Variants in COPE observed in about 807,000 individuals in gnomAD.
COPE encodes the protein coat protein complex I subunit epsilon, also known as coatomer subunit epsilon.
COPE carries 19 observed loss-of-function variants against 42.1 expected under a neutral mutation model. That is an observed-to-expected ratio of 0.45 (90% CI 0.31 to 0.66). COPE has a LOEUF of 0.66. Among genes scored for constraint, COPE ranks in the 30% least tolerant of loss-of-function variants. The probability of loss-of-function intolerance (pLI) is 0.05; values close to 1 mark genes in which losing one functional copy is unlikely to be tolerated. For missense variants in COPE, 402 were observed against 416.1 expected, an observed-to-expected ratio of 0.97 and a Z score of 0.30; for synonymous variants, 195 against 181.3, an observed-to-expected ratio of 1.08 and a Z score of -0.60.
chr19:18,903,980 T>TC (rs1410782649), intron 6 of COPE, among the ~76,000 whole-genome samples: 2 of 152,184 alleles, frequency 1.3e-5, no homozygotes, highest in African/African-American at 4.8e-5. Context: ...CATTTTTTTT[T>TC]CTTTCTCAGA....
chr19:18,904,914 G>A (rs1402769735), intron 5 of COPE, 62 bp from the exon 6 acceptor site: 6 of 1,503,494 alleles, frequency 4.0e-6, no homozygotes, highest in African/African-American at 1.4e-5. Flanking sequence ...GGCCATCCCT[G>A]CCTTGTCCCC....
chr19:18,917,147 T>G (rs1222160592), intron 1 of COPE, among the ~76,000 whole-genome samples: 1 of 150,562 alleles, frequency 6.6e-6, no homozygotes, highest in Non-Finnish European at 1.5e-5. Flanking sequence ...CCATCATCTC[T>G]GTGTCTCAAA....
rs2056725750 is a variant in COPE at position 18,903,250 on chromosome 19, G to C, written c.735+18C>G. ...TGGCCTTCCCTCCGTCCCCACTCTG[G>C]GACAGGCTTGTGCCTACCTTGTCTA... On this transcript the variant is annotated intron_variant, in intron 7 of 9. Transcript: ENST00000262812. The C allele has an allele frequency of 6.4e-7, 1 of 1,557,964 alleles. No individual in the cohort carries two copies. Among genetic ancestry groups the C allele is most frequent in the African/African-American group, 1.4e-5 (1 of 72,816 alleles).
intron 1 of COPE, among the ~76,000 whole-genome samples, chr19:18,917,544 T>A (rs1336019129): frequency 6.6e-6 from 1 of 151,832 alleles, no homozygotes; most frequent in African/African-American, 2.4e-5. Context: ...ATTTTTGTAT[T>A]TTTTAGTAGA....
Position 18,899,525 on chromosome 19 carries a change from A to G in COPE, c.*154T>C. 1.4e-6 allele frequency: 1 copy of G among 700,620 alleles called. No homozygotes were observed. The highest frequency in any genetic ancestry group is 2.4e-6 in the Non-Finnish European group (1 of 410,632). The allele number at this position is 700,620 out of a possible 1,614,324, so 43.4% of individuals were successfully genotyped here. A position where few individuals can be genotyped will look rare whatever the true frequency, so the allele number is the denominator to read the frequency against. ...ACCAGAGCACATCATCAGGTGGAAC[A>G]CCCTGGAGTTGAGATATTTATTAAC... On this transcript the variant is annotated 3_prime_UTR_variant, in exon 10 of 10. Coordinates refer to ENST00000262812, the MANE Select transcript of COPE (RefSeq NM_007263.4).
chr19:18,902,337 T>C (rs1001347643), intron 7 of COPE, among the ~76,000 whole-genome samples: 1 of 150,710 alleles, frequency 6.6e-6, no homozygotes, highest in Non-Finnish European at 1.5e-5. Flanking sequence ...AATATATATA[T>C]ATTTTTAATT....
intron 1 of COPE, among the ~76,000 whole-genome samples, chr19:18,918,187 C>CAAAAAAAAAAAAA (rs771893763): frequency 1.0e-4 from 5 of 50,138 alleles, no homozygotes; most frequent in East Asian, 4.8e-4. Context: ...GTCTCCATCT[C>CAAAAAAAAAAAAA]AAAAAAAAAA....
rs1219355543 is a variant in COPE at position 18,899,563 on chromosome 19, T to A, written c.*116A>T. The stretch of plus-strand genomic sequence containing the variant: ...GATATTTATTAACAGATGGGGGTGC[T>A]GGGGGTGGGCTCCTGCCCCCAGAGG... On this transcript the variant is annotated 3_prime_UTR_variant, in exon 10 of 10. Transcript: ENST00000262812. 2.0e-6 allele frequency: 2 copies of A among 979,926 alleles called. No individual in the cohort carries two copies. The highest frequency in any genetic ancestry group is 3.2e-6 in the Non-Finnish European group (2 of 630,398). 60.7% of individuals were successfully genotyped at this position (979,926 alleles called of 1,614,324 possible). A position where few individuals can be genotyped will look rare whatever the true frequency, so the allele number is the denominator to read the frequency against.
At position 18,910,971 on chromosome 19, in the gene COPE, C is replaced by A. The variant is rs750217463; in HGVS notation, c.290G>T (p.Arg97Met). ...FADYLAHESR[R>M]DSIVAELDRE... ...GCCAACCCATTCTCTGGGGCCTCAC[C>A]TCCGACTCTCGTGGGCGAGGTAGTC... Residue 97 changes from arginine (R) to methionine (M), a missense_variant and splice_region_variant, in exon 3 of 10, where the codon AGG becomes ATG. Transcript: ENST00000262812. 6.2e-7 allele frequency: 1 copy of A among 1,613,682 alleles called. No homozygotes were observed. The highest frequency in any genetic ancestry group is 8.5e-7 in the Non-Finnish European group (1 of 1,179,974).
At chr19:18,918,516 G>GCAA (rs1185526505) in intron 1 of COPE, among the ~76,000 whole-genome samples, 1 of 152,066 alleles carries the variant, frequency 6.6e-6, no homozygotes. Flanking sequence ...TCGGTTCACT[G>GCAA]CAACCTCGGC....
intron 7 of COPE, among the ~76,000 whole-genome samples, chr19:18,902,813 G>GA (rs1227785581): frequency 1.9e-5 from 1 of 53,842 alleles, no homozygotes; most frequent in Non-Finnish European, 4.1e-5. Flanking sequence ...AGGAAGGAAG[G>GA]AAGGAAGGAA....
Position 18,900,427 on chromosome 19 carries a change from A to G in COPE, c.758T>C (p.Leu253Pro). 1 of 1,548,622 alleles carries G rather than the reference A, an allele frequency of 6.5e-7. No homozygotes were observed. Among genetic ancestry groups the G allele is most frequent in the Non-Finnish European group, 8.7e-7 (1 of 1,145,740 alleles). Residue 253 changes from leucine (L) to proline (P), a missense_variant, in exon 8 of 10, where the codon CTG (leucine) becomes CCG (proline). By Grantham distance (98) the Leu-to-Pro change is moderately conservative. Transcript: ENST00000262812. ...LDKDSGYPETLVNLIVLSQHL... is the reference protein window; with the variant it reads ...LDKDSGYPETPVNLIVLSQHL... Reference sequence around the variant, plus strand: ...CTGGGACAGGACGATGAGGTTGACCAGCGTCTCTGGGTAGCCACTATCCTG... The same window carrying G: ...CTGGGACAGGACGATGAGGTTGACCGGCGTCTCTGGGTAGCCACTATCCTG...
chr19:18,917,772 C>T (rs539371100), intron 1 of COPE, among the ~76,000 whole-genome samples: 122 of 152,274 alleles, frequency 8.0e-4, no homozygotes, highest in African/African-American at 2.9e-3. Flanking sequence ...AACTGCCAAA[C>T]TTCACCTTCA....
In COPE at chr19:18,905,855, C is replaced by A. The variant is rs536245186; in HGVS notation, c.444-226G>T. The A allele has an allele frequency of 7.2e-6, 4 of 553,398 alleles. No homozygotes were observed. The East Asian group carries it at 1.3e-4, about 18-fold the overall frequency. The allele number at this position is 553,398 out of a possible 1,614,324, so 34.3% of individuals were successfully genotyped here. On this transcript the variant is annotated intron_variant, in intron 4 of 9. Transcript: ENST00000262812. The stretch of plus-strand genomic sequence containing the variant: ...GTACCCAGGATGGGGTTTCAGGCCC[C>A]GGCCCACTCACCGCCCATCTGGAGA...
In COPE at chr19:18,900,431, T is replaced by C. The variant is rs750223616; in HGVS notation, c.754A>G (p.Thr252Ala). The change falls in exon 8 of 10, where the codon ACG becomes GCG. Residue 252 changes from threonine to alanine, a missense_variant. Thr to Ala is a moderately conservative substitution (Grantham distance 58). Coordinates refer to ENST00000262812, the MANE Select transcript of COPE (RefSeq NM_007263.4). ...GACAGGACGATGAGGTTGACCAGCG[T>C]CTCTGGGTAGCCACTATCCTGGAGA... ...ALDKDSGYPE[T>A]LVNLIVLSQH... 6.5e-7 allele frequency: 1 copy of C among 1,547,976 alleles called. No homozygotes were observed. The highest frequency in any genetic ancestry group is 1.2e-5 in the South Asian group (1 of 83,872).
Position 18,904,863 on chromosome 19 carries a change from G to A in COPE, c.498-11C>T. On this transcript the variant is annotated splice_polypyrimidine_tract_variant and intron_variant, in intron 5 of 9. Coordinates refer to ENST00000262812, the MANE Select transcript of COPE (RefSeq NM_007263.4). ...CTCTTCAGCTCCTTCCTGGGGCGGG[G>A]ACAGATGACAGAGGGGCTGAGTGGC... The A allele has an allele frequency of 6.4e-7, 1 of 1,551,730 alleles. No homozygotes were observed. The highest frequency in any genetic ancestry group is 8.7e-7 in the Non-Finnish European group (1 of 1,147,048).
At position 18,899,964 on chromosome 19, in the gene COPE, G is replaced by T; in HGVS notation, c.805-17C>A. 6.2e-7 allele frequency: 1 copy of T among 1,608,484 alleles called. No individual in the cohort carries two copies. On this transcript the variant is annotated splice_polypyrimidine_tract_variant and intron_variant, in intron 8 of 9. Transcript: ENST00000262812. Reference sequence around the variant, plus strand: ...GTTTGTCACCTGCAGGGGAGGCAGGGAGGCAGGTGAGCCGAACACGGGGAC... The same window carrying T: ...GTTTGTCACCTGCAGGGGAGGCAGGTAGGCAGGTGAGCCGAACACGGGGAC...
At chr19:18,918,219 G>GAAAAA (rs2056875578) in intron 1 of COPE, among the ~76,000 whole-genome samples, 2 of 134,462 alleles carry the variant, frequency 1.5e-5, no homozygotes, top group African/African-American at 2.8e-5. Context: ...GAAAAGAAAA[G>GAAAAA]AAAAAAGAAA....
chr19:18,901,201 C>T (rs1401221614), intron 7 of COPE, among the ~76,000 whole-genome samples: 1 of 152,240 alleles, frequency 6.6e-6, no homozygotes, highest in Non-Finnish European at 1.5e-5. Context: ...AGGGGCACGG[C>T]CAGCCAGCCC....
Sources: allele counts gnomAD v4.1 joint callset (sites outside exome capture counted in the v4.1 genomes callset), GRCh38; gene constraint gnomAD v4.1.1; transcripts MANE v1.5; gene names NCBI Gene and HGNC (gene_info 2026-07-23, HGNC 2026-07-21).